PHIP: variants seen among roughly 807,000 people sequenced by gnomAD.
PHIP encodes PHIP subunit of CUL4-Ring ligase complex, also known as PH-interacting protein.
PHIP carries 54 observed loss-of-function variants against 236.8 expected under a neutral mutation model. The observed-to-expected ratio is 0.23, with a 90% CI of 0.18 to 0.29. PHIP has a LOEUF of 0.29. Among genes scored for constraint, PHIP ranks in the 10% least tolerant of loss-of-function variants. The pLI, the probability that PHIP is intolerant of heterozygous loss-of-function variation, is 1.00. For missense variants in PHIP, 1,370 were observed against 2,190.8 expected, an observed-to-expected ratio of 0.63 and a Z score of 7.48; for synonymous variants, 756 against 718.9, an observed-to-expected ratio of 1.05 and a Z score of -0.83.
At chr6:79,034,465 C>G (rs1771831708) in intron 7 of PHIP, among the ~76,000 whole-genome samples, 1 of 152,170 alleles carries the variant, frequency 6.6e-6, no homozygotes, top group South Asian at 2.1e-4. Flanking sequence ...ACTTCAGACA[C>G]AGGGCCATGA....
At chr6:79,044,507 A>ACATCAAT (rs1295761751) in intron 6 of PHIP, among the ~76,000 whole-genome samples, 2 of 152,152 alleles carry the variant, frequency 1.3e-5, no homozygotes, top group Non-Finnish European at 2.9e-5. Context: ...AAAACCATAG[A>ACATCAAT]CATCAATTTT....
intron 25 of PHIP, 101 bp downstream of exon 25, chr6:78,970,680 G>A (rs1767474008): frequency 1.4e-6 from 1 of 714,312 alleles, no homozygotes; most frequent in Admixed American, 3.0e-5. Flanking sequence ...GTATCTTCAT[G>A]ATGCAGTTTC....
intron 38 of PHIP, 177 bp from the exon 39 acceptor site, chr6:78,945,674 T>C (rs1393489731): frequency 1.6e-6 from 1 of 627,464 alleles, no homozygotes; most frequent in Non-Finnish European, 2.8e-6. Flanking sequence ...AAACTCTTAA[T>C]AGTTTCAGCC....
chr6:78,966,127 AACCT>A, intron 27 of PHIP, 71 bp from the exon 28 acceptor site: 1 of 931,328 alleles, frequency 1.1e-6, no homozygotes, highest in Non-Finnish European at 1.8e-6. Context: ...TCCTAACGTT[AACCT>A]TTAAGTACCT....
intron 6 of PHIP, among the ~76,000 whole-genome samples, chr6:79,044,043 C>A (rs1287621756): frequency 6.6e-6 from 1 of 151,872 alleles, no homozygotes; most frequent in African/African-American, 2.4e-5. Flanking sequence ...TTATTCACAT[C>A]CAATAAATGT....
At chr6:78,963,876 A>C (rs1208190476) in intron 29 of PHIP, among the ~76,000 whole-genome samples, 1 of 152,198 alleles carries the variant, frequency 6.6e-6, no homozygotes, top group Non-Finnish European at 1.5e-5. Flanking sequence ...AAAATACGCC[A>C]CTGTTTGTGT....
intron 6 of PHIP, among the ~76,000 whole-genome samples, chr6:79,054,081 C>T (rs1037120279): frequency 1.3e-5 from 2 of 148,998 alleles, no homozygotes; most frequent in African/African-American, 4.9e-5. Context: ...TTTTGTACAT[C>T]TGATACTTTG....
chr6:78,977,183 A>G (rs1360270160), intron 24 of PHIP, among the ~76,000 whole-genome samples: 1 of 150,664 alleles, frequency 6.6e-6, no homozygotes, highest in Non-Finnish European at 1.5e-5. Flanking sequence ...ACACCATGGA[A>G]TACTATGCAG....
At chr6:78,953,200 ATTCTTTG>A (rs1273632394) in intron 35 of PHIP, among the ~76,000 whole-genome samples, 2 of 152,150 alleles carry the variant, frequency 1.3e-5, no homozygotes, top group Non-Finnish European at 2.9e-5. Flanking sequence ...TGGGGGAAAC[ATTCTTTG>A]TTGTGAAAGG....
intron 6 of PHIP, among the ~76,000 whole-genome samples, chr6:79,057,627 T>C (rs1490965005): frequency 6.6e-6 from 1 of 152,048 alleles, no homozygotes; most frequent in Non-Finnish European, 1.5e-5. Flanking sequence ...ATATCAAGAA[T>C]TTTTTCTTAC....
At chr6:79,030,932 T>C (rs113874252) in intron 7 of PHIP, among the ~76,000 whole-genome samples, 63 of 149,208 alleles carry the variant, frequency 4.2e-4, no homozygotes, top group African/African-American at 1.5e-3. Flanking sequence ...TTCTTTCTTG[T>C]TTTTTTTTGT....
rs1773283304 is a variant in PHIP at position 78,936,711 on chromosome 6, A to G, written c.*3982T>C. 1 of 151,876 alleles carries G rather than the reference A, an allele frequency of 6.6e-6. No individual in the cohort carries two copies. The highest frequency in any genetic ancestry group is 2.1e-4 in the South Asian group (1 of 4,822). 9.4% of individuals were successfully genotyped at this position (151,876 alleles called of 1,614,324 possible). A position where few individuals can be genotyped will look rare whatever the true frequency, so the allele number is the denominator to read the frequency against. ...CTCACTGTTCTACTGCAGTGTGTAC[A>G]AGGTTTATCTCTGGAGCGCCAAAAG... On this transcript the variant is annotated 3_prime_UTR_variant, in exon 40 of 40. Transcript: ENST00000275034.
intron 15 of PHIP, among the ~76,000 whole-genome samples, chr6:79,010,455 G>A (rs1454790332): frequency 7.9e-5 from 12 of 150,998 alleles, no homozygotes; most frequent in African/African-American, 2.9e-4. Context: ...ATAAAAATAA[G>A]GAAAACTTTA....
At chr6:79,024,628 C>A (rs1294036570) in intron 9 of PHIP, among the ~76,000 whole-genome samples, 1 of 152,000 alleles carries the variant, frequency 6.6e-6, no homozygotes, top group Non-Finnish European at 1.5e-5. Context: ...CACGGTGAAA[C>A]CCTGTCTCTA....
At chr6:79,025,473 C>A (rs779288932) in intron 9 of PHIP, 46 bp downstream of exon 9, 16 of 1,123,984 alleles carry the variant, frequency 1.4e-5, no homozygotes, top group Non-Finnish European at 1.8e-5. Flanking sequence ...CAATTTCACT[C>A]ATTAAACTAA....
chr6:79,000,669 T>A (rs1232396100), intron 17 of PHIP, among the ~76,000 whole-genome samples: 1 of 152,054 alleles, frequency 6.6e-6, no homozygotes, highest in African/African-American at 2.4e-5. Flanking sequence ...CTGAAGACAT[T>A]TCTCTTAATT....
chr6:79,074,576 T>C (rs1464972656), intron 4 of PHIP, among the ~76,000 whole-genome samples: 1 of 152,134 alleles, frequency 6.6e-6, no homozygotes, highest in Non-Finnish European at 1.5e-5. Context: ...ACGTATACCA[T>C]AGTACCAAAA....
intron 31 of PHIP, among the ~76,000 whole-genome samples, chr6:78,960,798 C>A (rs1251784182): frequency 6.6e-6 from 1 of 151,712 alleles, no homozygotes; most frequent in African/African-American, 2.4e-5. Flanking sequence ...TAGCCCCTCA[C>A]AATGAGATAC....
chr6:78,996,675 T>A (rs1230347415), intron 19 of PHIP, among the ~76,000 whole-genome samples: 1 of 152,158 alleles, frequency 6.6e-6, no homozygotes, highest in Non-Finnish European at 1.5e-5. Context: ...GTATGTCCAA[T>A]CAAAAAGCAT....
Sources: allele counts gnomAD v4.1 joint callset (sites outside exome capture counted in the v4.1 genomes callset), GRCh38; gene constraint gnomAD v4.1.1; transcripts MANE v1.5; gene names NCBI Gene and HGNC (gene_info 2026-07-23, HGNC 2026-07-21).